The following RBFOX1 variants were observed in gnomAD, a reference collection of about 807,000 sequenced individuals.
The protein encoded by RBFOX1 is RNA binding protein fox-1 homolog 1.
A neutral mutation model predicts 57.7 loss-of-function variants in RBFOX1; 8 were observed. The observed-to-expected ratio is 0.14, with a 90% CI of 0.08 to 0.25. The LOEUF (loss-of-function observed/expected upper bound fraction) is 0.25. Among genes scored for constraint, RBFOX1 ranks in the 10% least tolerant of loss-of-function variants. The pLI, the probability that RBFOX1 is intolerant of heterozygous loss-of-function variation, is 1.00. For synonymous variants in RBFOX1, 326 were observed against 222.4 expected, an observed-to-expected ratio of 1.47 and a Z score of -4.15; for missense variants, 611 against 548.5, an observed-to-expected ratio of 1.11 and a Z score of -1.14.
intron 1 of RBFOX1, among the ~76,000 whole-genome samples, chr16:5,405,954 G>T (rs373178273): frequency 1.3e-5 from 2 of 152,156 alleles, no homozygotes; most frequent in African/African-American, 4.8e-5. Flanking sequence ...AGAGAACATC[G>T]GGGACAGGGA....
chr16:6,781,710 A>G (rs1177226338), intron 3 of RBFOX1, among the ~76,000 whole-genome samples: 4 of 152,102 alleles, frequency 2.6e-5, no homozygotes, highest in Admixed American at 1.3e-4. Context: ...TCGTTGGCCT[A>G]TAGTTGATAA....
chr16:7,590,241 T>G (rs2094370914), intron 7 of RBFOX1, among the ~76,000 whole-genome samples: 1 of 151,716 alleles, frequency 6.6e-6, no homozygotes, highest in African/African-American at 2.4e-5. Flanking sequence ...CATTCCAGCT[T>G]GGGTGACAGA....
intron 6 of RBFOX1, among the ~76,000 whole-genome samples, chr16:7,580,595 A>G (rs1507005): frequency 0.34 from 51,804 of 152,192 alleles, 10,104 homozygotes; most frequent in Non-Finnish European, 0.45. Flanking sequence ...CCATGGTGAA[A>G]CACAGAGCAG....
At chr16:7,417,800 T>A (rs145791600) in intron 4 of RBFOX1, among the ~76,000 whole-genome samples, 4 of 152,344 alleles carry the variant, frequency 2.6e-5, no homozygotes, top group African/African-American at 7.2e-5. Flanking sequence ...TCTGTGCATG[T>A]GTGTGGTTGC....
chr16:7,605,842 T>C (rs931752905), intron 9 of RBFOX1, among the ~76,000 whole-genome samples: 3 of 151,784 alleles, frequency 2.0e-5, no homozygotes, highest in Non-Finnish European at 4.4e-5. Flanking sequence ...TCTTTCAAGG[T>C]TTTTTTTACT....
intron 2 of RBFOX1, among the ~76,000 whole-genome samples, chr16:6,391,263 A>C (rs575899403): frequency 6.6e-6 from 1 of 152,142 alleles, no homozygotes; most frequent in Non-Finnish European, 1.5e-5. Flanking sequence ...TAATCCCAGC[A>C]CTTTGGGAGG....
At position 5,840,680 on chromosome 16, in the gene RBFOX1, G is replaced by T. The variant is rs2056598160; in HGVS notation, c.319-26623G>T. On this transcript the variant is annotated intron_variant, in intron 3 of 19. Coordinates refer to the RBFOX1 transcript ENST00000641259. ...AGGGTTACTTAGAAGTGAGGCCGTG[G>T]GTCACCACTGCTTGGAGATGTGTGT... is the stretch of plus-strand genomic sequence containing the variant. Among the ~76,000 whole-genome samples, 2 of 152,198 alleles carry T rather than the reference G, an allele frequency of 1.3e-5. 1 individual carries two copies. The highest frequency in any genetic ancestry group is 4.1e-4 in the South Asian group (2 of 4,832).
chr16:5,669,360 T>G (rs1321816300), intron 3 of RBFOX1, among the ~76,000 whole-genome samples: 2 of 151,514 alleles, frequency 1.3e-5, no homozygotes, highest in Non-Finnish European at 2.9e-5. Context: ...GCTCTTTGGG[T>G]TCACCTGGGT....
intron 3 of RBFOX1, among the ~76,000 whole-genome samples, chr16:7,005,166 A>C (rs866443799): frequency 2.6e-5 from 4 of 151,458 alleles, no homozygotes; most frequent in Admixed American, 6.6e-5. Flanking sequence ...ACGAAAAAAA[A>C]CCCAAAACTA....
rs751824334 is a variant in RBFOX1 at position 7,702,704 on chromosome 16, C to T, written c.996-6352C>T. On this transcript the variant is annotated intron_variant, in intron 14 of 15. Coordinates refer to ENST00000550418, the MANE Select transcript of RBFOX1 (RefSeq NM_018723.4). ...TCCAGCCCCTGAGAATTGCTGAAAGCCGAGCATTTTGTCCAAACACAGAAC... is the reference window on the plus strand; with the variant it reads ...TCCAGCCCCTGAGAATTGCTGAAAGTCGAGCATTTTGTCCAAACACAGAAC... Among the ~76,000 whole-genome samples, 19 of 152,152 alleles carry T rather than the reference C, an allele frequency of 1.2e-4. 1 individual carries two copies. Among genetic ancestry groups the T allele is most frequent in the Admixed American group, 1.2e-3 (18 of 15,272 alleles).
rs2095026337 is a variant in RBFOX1, at chr16:6,019,475, C to G, written c.-644C>G. The G allele has an allele frequency of 2.0e-6, 2 of 1,001,724 alleles. No individual in the cohort carries two copies. Among genetic ancestry groups the G allele is most frequent in the Non-Finnish European group, 2.4e-6 (2 of 841,008 alleles). 62.1% of individuals were successfully genotyped at this position (1,001,724 alleles called of 1,614,324 possible). The stretch of plus-strand genomic sequence containing the variant: ...AACCCGAACTCGCGGAGGGGAATCC[C>G]TCCCCCTCCGCCCCAGCCCCCCAGC... On this transcript the variant is annotated 5_prime_UTR_variant, in exon 1 of 16. Transcript: ENST00000550418. This position sits in a 1 kb window ranked among gnomAD's most constrained non-coding sequence, Gnocchi z 4.2.
At chr16:6,518,806 T>C (rs1015746199) in intron 2 of RBFOX1, among the ~76,000 whole-genome samples, 31 of 91,210 alleles carry the variant, frequency 3.4e-4, no homozygotes, top group Non-Finnish European at 6.7e-4. Flanking sequence ...TGTCTATCTA[T>C]CTATCTATCT....
chr16:7,395,051 T>G (rs2098118805), intron 4 of RBFOX1, among the ~76,000 whole-genome samples: 2 of 152,208 alleles, frequency 1.3e-5, no homozygotes, highest in Admixed American at 1.3e-4. Context: ...TGCCGCAGAC[T>G]AGGGGGATAA....
At chr16:6,251,415 G>C (rs1417406484) in intron 1 of RBFOX1, among the ~76,000 whole-genome samples, 3 of 152,230 alleles carry the variant, frequency 2.0e-5, no homozygotes, top group Non-Finnish European at 4.4e-5. Flanking sequence ...TGTGTGGAGG[G>C]GGCAGGAACT....
intron 4 of RBFOX1, among the ~76,000 whole-genome samples, chr16:7,114,677 T>C (rs372210937): frequency 4.1e-4 from 63 of 152,308 alleles, no homozygotes; most frequent in African/African-American, 1.5e-3. Context: ...TTCCCCTGCC[T>C]CTCTGGAAAT....
At chr16:7,566,086 C>T (rs1023491929) in intron 5 of RBFOX1, among the ~76,000 whole-genome samples, 1 of 152,226 alleles carries the variant, frequency 6.6e-6, no homozygotes, top group South Asian at 2.1e-4. Flanking sequence ...CGCTCATATT[C>T]TAGGAAGCAT....
At chr16:6,187,371 C>T (rs563411081) in intron 1 of RBFOX1, among the ~76,000 whole-genome samples, 37 of 152,178 alleles carry the variant, frequency 2.4e-4, no homozygotes, top group Non-Finnish European at 3.5e-4. Context: ...CACAACACCC[C>T]TAGATGTGAC....
intron 2 of RBFOX1, among the ~76,000 whole-genome samples, chr16:6,646,168 T>C (rs550223376): frequency 2.0e-4 from 31 of 152,088 alleles, no homozygotes; most frequent in Non-Finnish European, 4.0e-4. Context: ...TTGACGAGTC[T>C]GGTTCAGAAA....
chr16:7,205,324 T>C (rs778044515), intron 4 of RBFOX1, among the ~76,000 whole-genome samples: 29 of 151,730 alleles, frequency 1.9e-4, no homozygotes, highest in Non-Finnish European at 3.8e-4. Flanking sequence ...TCAAGACCAG[T>C]CTGGCCAACA....
Sources: gnomAD v4.1 joint callset for allele counts (sites outside exome capture counted in the v4.1 genomes callset) on GRCh38, gnomAD v4.1.1 for gene constraint, Gnocchi (gnomAD v3.1) non-coding constraint, MANE v1.5 for transcripts, NCBI Gene and HGNC (gene_info 2026-07-23, HGNC 2026-07-21) for gene names.